PM20D2: variants seen among roughly 807,000 people sequenced by gnomAD.
PM20D2 encodes the protein xaa-Arg dipeptidase.
A neutral mutation model predicts 42.9 loss-of-function variants in PM20D2; 33 were observed. That is an observed-to-expected ratio of 0.77 (90% CI 0.58 to 1.03). PM20D2 has a LOEUF of 1.03. Among genes scored for constraint, PM20D2 ranks in the 50% least tolerant of loss-of-function variants. PM20D2 has a pLI of 0.00. For missense variants in PM20D2, 548 were observed against 557.0 expected (o/e 0.98, Z 0.16); for synonymous variants, 250 against 228.2 (o/e 1.10, Z -0.86).
the PM20D2 span, among the ~76,000 whole-genome samples, chr6:89,132,109 G>A: frequency 3.2e-4 from 49 of 152,252 alleles, no homozygotes; most frequent in Middle Eastern, 0.01. Context: ...ACTCAATCCT[G>A]AAGGAGGAAA....
At chr6:89,127,035 T>C in the PM20D2 span, among the ~76,000 whole-genome samples, 8 of 152,200 alleles carry the variant, frequency 5.3e-5, no homozygotes, top group African/African-American at 1.2e-4. Flanking sequence ...AGTTCATAAT[T>C]ATACTAAAAA....
the PM20D2 span, among the ~76,000 whole-genome samples, chr6:89,130,679 C>T: frequency 6.6e-6 from 1 of 151,866 alleles, no homozygotes; most frequent in South Asian, 2.1e-4. Context: ...AGGCTGGTCT[C>T]AAACTCCTGA....
intron 4 of PM20D2, 36 bp downstream of exon 4, chr6:89,154,938 A>G: frequency 6.5e-7 from 1 of 1,527,090 alleles, no homozygotes; most frequent in Non-Finnish European, 8.8e-7. Context: ...AGTTACAATC[A>G]GAGGTATATA....
chr6:89,111,841 T>C, the PM20D2 span, among the ~76,000 whole-genome samples: 5 of 152,198 alleles, frequency 3.3e-5, no homozygotes, highest in Non-Finnish European at 7.3e-5. Flanking sequence ...TGTGTTTTTG[T>C]TTTTGGAGAC....
chr6:89,105,038 A>G, the PM20D2 span: 2 of 1,364,634 alleles, frequency 1.5e-6, no homozygotes, highest in South Asian at 3.2e-5. Context: ...AGCCTGGGAA[A>G]CAATGAGACC....
In PM20D2 at chr6:89,162,121, C is replaced by T; in HGVS notation, c.1169C>T (p.Ala390Val). 6.2e-7 allele frequency: 1 copy of T among 1,606,058 alleles called. No homozygotes were observed. The change falls in exon 7 of 7, where the codon GCT becomes GTT. Residue 390 changes from alanine to valine, a missense_variant. Coordinates refer to ENST00000275072, the MANE Select transcript of PM20D2 (RefSeq NM_001010853.3). The part of the protein sequence containing the change: ...QYTEAAGSQE[A>V]QFYTLRTAKA... ...CTCTACCTTTTAGGGTCACAGGAAG[C>T]TCAGTTCTACACTCTGCGGACGGCC...
In PM20D2 at chr6:89,162,641, T is replaced by G. The variant is rs1315143780; in HGVS notation, c.*378T>G. The G allele has an allele frequency of 6.2e-6, 1 of 161,242 alleles. No individual in the cohort carries two copies. Among genetic ancestry groups the G allele is most frequent in the East Asian group, 1.8e-4 (1 of 5,494 alleles). The allele number at this position is 161,242 out of a possible 1,614,324, so 10.0% of individuals were successfully genotyped here. ...AAATGTTATGTGTATTTTTAAAAGC[T>G]TAAGAGATTTCAAACCTTATATTCA... On this transcript the variant is annotated 3_prime_UTR_variant, in exon 7 of 7. Transcript: ENST00000275072.
chr6:89,145,624 C>G (rs185735983), upstream of PM20D2, among the ~76,000 whole-genome samples: 175 of 152,210 alleles, frequency 1.1e-3, no homozygotes, highest in African/African-American at 3.4e-3. Context: ...GGGGCAGTAC[C>G]GAAACTTACG....
chr6:89,160,002 G>A (rs1180351976), intron 5 of PM20D2, among the ~76,000 whole-genome samples: 1 of 152,130 alleles, frequency 6.6e-6, no homozygotes, highest in African/African-American at 2.4e-5. Context: ...TATGATTTGT[G>A]GGCTCTAGGG....
chr6:89,114,834 T>C, the PM20D2 span, among the ~76,000 whole-genome samples: 1 of 152,324 alleles, frequency 6.6e-6, no homozygotes, highest in East Asian at 1.9e-4. Flanking sequence ...TCTCGCCCTG[T>C]CGCCCAGGCT....
the PM20D2 span, among the ~76,000 whole-genome samples, chr6:89,126,456 CG>C: frequency 6.6e-6 from 1 of 151,588 alleles, no homozygotes; most frequent in Middle Eastern, 3.5e-3. Flanking sequence ...GAGACCGAGG[CG>C]GGTGGATCAC....
chr6:89,103,627 G>C, the PM20D2 span, among the ~76,000 whole-genome samples: 1 of 151,914 alleles, frequency 6.6e-6, no homozygotes, highest in South Asian at 2.1e-4. Context: ...CACTGCGCCT[G>C]GCCTGAATTT....
the PM20D2 span, among the ~76,000 whole-genome samples, chr6:89,109,996 C>A: frequency 6.6e-6 from 1 of 152,028 alleles, no homozygotes; most frequent in Admixed American, 6.6e-5. Context: ...GAGGCTGAGG[C>A]AGGAGAATGG....
chr6:89,096,226 G>A, the PM20D2 span: 8 of 152,242 alleles, frequency 5.3e-5, no homozygotes, highest in East Asian at 1.5e-3. Flanking sequence ...CTTTGCAAAA[G>A]ACATAGGAAC....
At chr6:89,123,708 T>G in the PM20D2 span, among the ~76,000 whole-genome samples, 6 of 75,586 alleles carry the variant, frequency 7.9e-5, no homozygotes, top group African/African-American at 1.7e-4. Flanking sequence ...GGCAACAGAG[T>G]GAGACTGTCT....
chr6:89,106,350 T>A, the PM20D2 span, among the ~76,000 whole-genome samples: 4 of 152,034 alleles, frequency 2.6e-5, no homozygotes, highest in East Asian at 7.7e-4. Flanking sequence ...TGACCTGAGG[T>A]GATCCACCCG....
the PM20D2 span, among the ~76,000 whole-genome samples, chr6:89,134,967 C>T: frequency 2.6e-5 from 4 of 151,070 alleles, no homozygotes; most frequent in East Asian, 7.7e-4. Context: ...GTGGTTCAAG[C>T]TCCCAGGCAA....
chr6:89,129,913 C>A, the PM20D2 span, among the ~76,000 whole-genome samples: 1 of 151,828 alleles, frequency 6.6e-6, no homozygotes, highest in African/African-American at 2.4e-5. Flanking sequence ...ATATATATTT[C>A]TTTGTAGAGA....
At position 89,154,888 on chromosome 6, in the gene PM20D2, G is replaced by T; in HGVS notation, c.898G>T (p.Ala300Ser). ...AEDCFRAAAL[A>S]SGCTVEIKGG... ...AGATTGCTTCAGAGCTGCAGCTTTG[G>T]CTTCAGGGTGCACAGTAAGAACTTT... Residue 300 changes from alanine (A) to serine (S), a missense_variant, in exon 4 of 7, where the codon GCT becomes TCT. Transcript: ENST00000275072. 1 of 1,598,358 alleles carries T rather than the reference G, an allele frequency of 6.3e-7. No homozygotes were observed. The highest frequency in any genetic ancestry group is 8.5e-7 in the Non-Finnish European group (1 of 1,174,364).
Sources: allele counts gnomAD v4.1 joint callset (sites outside exome capture counted in the v4.1 genomes callset), GRCh38; gene constraint gnomAD v4.1.1; transcripts MANE v1.5; gene names NCBI Gene and HGNC (gene_info 2026-07-23, HGNC 2026-07-21).